CPNE4: variants seen among roughly 807,000 people sequenced by gnomAD.
The protein encoded by CPNE4 is copine 4, also known as copine-4.
A neutral mutation model predicts 67.9 loss-of-function variants in CPNE4; 25 were observed. The observed-to-expected ratio is 0.37, with a 90% confidence interval of 0.27 to 0.51. CPNE4 has a LOEUF of 0.51. CPNE4 is among the 20% of genes least tolerant of loss of function. The pLI is 0.93. For synonymous variants in CPNE4, 242 were observed against 244.9 expected (o/e 0.99, Z 0.11); for missense variants, 464 against 690.8 (o/e 0.67, Z 3.68).
intron 7 of CPNE4, among the ~76,000 whole-genome samples, chr3:131,655,516 A>C (rs1239764199): frequency 6.6e-6 from 1 of 152,206 alleles, no homozygotes; most frequent in Non-Finnish European, 1.5e-5. Context: ...CTTCCTGACA[A>C]GTCCATTTAG....
At chr3:131,841,386 C>T (rs1206362147) in intron 2 of CPNE4, among the ~76,000 whole-genome samples, 1 of 152,192 alleles carries the variant, frequency 6.6e-6, no homozygotes, top group East Asian at 1.9e-4. Context: ...ACCCCTGGAC[C>T]ATGGACCAGT....
At chr3:131,958,149 T>A (rs2699851) in intron 1 of CPNE4, among the ~76,000 whole-genome samples, 78,636 of 152,124 alleles carry the variant, frequency 0.52, 21,742 homozygotes, top group Admixed American at 0.67. Context: ...GAGTTACTTC[T>A]ACATTCCAGA....
At chr3:131,618,098 G>T (rs531459923) in intron 7 of CPNE4, among the ~76,000 whole-genome samples, 2 of 152,090 alleles carry the variant, frequency 1.3e-5, no homozygotes, top group African/African-American at 4.8e-5. Context: ...TTGGAACTGG[G>T]TATAAGATAA....
chr3:131,602,854 G>T (rs1939283209), intron 7 of CPNE4, among the ~76,000 whole-genome samples: 1 of 152,128 alleles, frequency 6.6e-6, no homozygotes, highest in Non-Finnish European at 1.5e-5. Flanking sequence ...ACTGATGGGT[G>T]GTTGGATTCA....
intron 2 of CPNE4, among the ~76,000 whole-genome samples, chr3:131,874,773 C>T (rs1183671799): frequency 2.6e-5 from 4 of 152,132 alleles, no homozygotes; most frequent in Non-Finnish European, 5.9e-5. Flanking sequence ...GAAATTTAAA[C>T]ATTCACATCT....
chr3:131,840,853 G>C (rs946156416), intron 2 of CPNE4, among the ~76,000 whole-genome samples: 2 of 152,182 alleles, frequency 1.3e-5, no homozygotes, highest in Admixed American at 6.5e-5. Context: ...GCCACCTGCT[G>C]TGTCATCTTC....
chr3:131,862,650 C>T (rs887383920), intron 2 of CPNE4, among the ~76,000 whole-genome samples: 1 of 151,530 alleles, frequency 6.6e-6, no homozygotes, highest in Non-Finnish European at 1.5e-5. Flanking sequence ...ATCTCCCGTC[C>T]GACCAGAAAA....
chr3:131,802,801 G>A (rs1388393050), intron 2 of CPNE4, among the ~76,000 whole-genome samples: 2 of 152,162 alleles, frequency 1.3e-5, no homozygotes, highest in Non-Finnish European at 2.9e-5. Flanking sequence ...TATATTTTAT[G>A]GACATAGAGA....
At chr3:131,915,375 G>T (rs2089146198) in intron 1 of CPNE4, among the ~76,000 whole-genome samples, 1 of 152,118 alleles carries the variant, frequency 6.6e-6, no homozygotes, top group Admixed American at 6.5e-5. Context: ...TATTCCCAAG[G>T]CTGCTCAAGT....
At chr3:131,770,013 A>T (rs1437860875) in intron 2 of CPNE4, among the ~76,000 whole-genome samples, 1 of 152,132 alleles carries the variant, frequency 6.6e-6, no homozygotes, top group Non-Finnish European at 1.5e-5. Flanking sequence ...TCACTTCAGT[A>T]AAAAAGCAAG....
chr3:131,649,257 T>C (rs1409807766), intron 7 of CPNE4, among the ~76,000 whole-genome samples: 1 of 152,192 alleles, frequency 6.6e-6, no homozygotes, highest in Non-Finnish European at 1.5e-5. Context: ...ACAGTCCTGA[T>C]AGATGGTTCT....
chr3:132,033,209 T>C (rs1225507712), intron 1 of CPNE4, among the ~76,000 whole-genome samples: 1 of 152,178 alleles, frequency 6.6e-6, no homozygotes, highest in Non-Finnish European at 1.5e-5. Context: ...CTTGGACAGC[T>C]CAAAAGTGCT....
At chr3:131,723,225 G>A (rs768531286) in intron 3 of CPNE4, among the ~76,000 whole-genome samples, 1 of 152,242 alleles carries the variant, frequency 6.6e-6, no homozygotes, top group African/African-American at 2.4e-5. Context: ...AGAAGAGAAA[G>A]TTCTGAATTT....
At chr3:131,839,170 C>T (rs2085676747) in intron 2 of CPNE4, among the ~76,000 whole-genome samples, 1 of 151,664 alleles carries the variant, frequency 6.6e-6, no homozygotes, top group Non-Finnish European at 1.5e-5. Context: ...ATGCTGCCCT[C>T]CATATCTTTG....
chr3:131,535,950 A>G (rs926667466), intron 15 of CPNE4, among the ~76,000 whole-genome samples: 1 of 152,208 alleles, frequency 6.6e-6, no homozygotes, highest in Non-Finnish European at 1.5e-5. Context: ...CATAGAGACT[A>G]ACTTATCTTG....
Position 131,581,566 on chromosome 3 carries a change from G to T in CPNE4, c.867+13C>A. 1 of 1,576,340 alleles carries T rather than the reference G, an allele frequency of 6.3e-7. No homozygotes were observed. Among genetic ancestry groups the T allele is most frequent in the Non-Finnish European group, 8.7e-7 (1 of 1,145,532 alleles). On this transcript the variant is annotated intron_variant, in intron 9 of 15. Coordinates refer to ENST00000429747, the MANE Select transcript of CPNE4 (RefSeq NM_130808.3). ...TAGCTTCATACTCCTGGAAGAGAGG[G>T]TTGTGTACATACCTTGCACAGATTC... is the stretch of plus-strand genomic sequence containing the variant.
At chr3:131,911,351 C>G (rs528074029) in intron 1 of CPNE4, among the ~76,000 whole-genome samples, 6 of 152,132 alleles carry the variant, frequency 3.9e-5, no homozygotes, top group Non-Finnish European at 8.8e-5. Flanking sequence ...GACAGCAGCC[C>G]TGACTGACAC....
intron 9 of CPNE4, among the ~76,000 whole-genome samples, chr3:131,580,455 T>TATACATATACAC (rs1559932416): frequency 3.9e-5 from 5 of 128,266 alleles, no homozygotes; most frequent in African/African-American, 1.4e-4. Flanking sequence ...TACATATACA[T>TATACATATACAC]ATACACATAT....
chr3:131,841,114 C>A (rs932331448), intron 2 of CPNE4, among the ~76,000 whole-genome samples: 27 of 152,166 alleles, frequency 1.8e-4, no homozygotes, highest in Non-Finnish European at 4.0e-4. Flanking sequence ...AGAGGAGTTA[C>A]ATAGGAAGTA....
Sources: gnomAD v4.1 joint callset for allele counts (sites outside exome capture counted in the v4.1 genomes callset) on GRCh38, gnomAD v4.1.1 for gene constraint, MANE v1.5 for transcripts, NCBI Gene and HGNC (gene_info 2026-07-23, HGNC 2026-07-21) for gene names.